CECR2: variants seen among roughly 807,000 people sequenced by gnomAD.
CECR2 encodes CECR2 histone acetyl-lysine reader.
Under a neutral mutation model 154.5 loss-of-function variants are expected in CECR2, and 30 were observed. The observed-to-expected ratio is 0.19, with a 90% CI of 0.15 to 0.26. CECR2 has a LOEUF of 0.26. Ranked by LOEUF, CECR2 falls within the 10% of genes least tolerant of loss-of-function variation. The pLI is 1.00. For missense variants in CECR2, 1,743 were observed against 1,829.3 expected, an observed-to-expected ratio of 0.95 and a Z score of 0.86; for synonymous variants, 725 against 683.7, an observed-to-expected ratio of 1.06 and a Z score of -0.94.
intron 2 of CECR2, among the ~76,000 whole-genome samples, chr22:17,494,656 A>G (rs78431002): frequency 0.13 from 19,969 of 152,258 alleles, 1,532 homozygotes; most frequent in Non-Finnish European, 0.18. Flanking sequence ...AGTAGGGGAA[A>G]GATGTTTCTT....
At chr22:17,499,179 T>C (rs1054473587) in intron 3 of CECR2, among the ~76,000 whole-genome samples, 5 of 151,286 alleles carry the variant, frequency 3.3e-5, no homozygotes, top group African/African-American at 1.2e-4. Flanking sequence ...TTAGTAGAGG[T>C]GGGGTTTCAC....
rs4819578 is a variant in CECR2 at position 17,388,197 on chromosome 22, G to A, written c.126+18288G>A. 8.1e-3 allele frequency among the ~76,000 whole-genome samples: 1,235 copies of A among 152,102 alleles called. 53 individuals are homozygous for A. In the East Asian group the frequency reaches 0.13, roughly 17 times the overall value. On this transcript the variant is annotated intron_variant, in intron 1 of 18. Coordinates refer to ENST00000262608, the MANE Select transcript of CECR2 (RefSeq NM_001290047.2). ...TCAAACTCCTGACCTCAGGTGATCC[G>A]CCCGCCTCAGCCTCCCAACGTGCTG... is the stretch of plus-strand genomic sequence containing the variant.
chr22:17,507,226 A>C (rs2055863458), intron 7 of CECR2, among the ~76,000 whole-genome samples: 1 of 152,176 alleles, frequency 6.6e-6, no homozygotes, highest in Non-Finnish European at 1.5e-5. Context: ...CCTAGAAATT[A>C]CCTTTCTCTA....
At chr22:17,418,665 AG>A (rs2054190937) in intron 1 of CECR2, 2 of 348,672 alleles carry the variant, frequency 5.7e-6, no homozygotes, top group Non-Finnish European at 4.7e-6. Context: ...GACACTCGCG[AG>A]GGGCAGCTCC....
Position 17,541,894 on chromosome 22 carries a change from T to C in CECR2, c.1940T>C (p.Leu647Ser), listed in dbSNP as rs2056528874. 1 of 1,613,988 alleles carries C rather than the reference T, an allele frequency of 6.2e-7. No individual in the cohort carries two copies. The highest frequency in any genetic ancestry group is 8.5e-7 in the Non-Finnish European group (1 of 1,179,868). ...CTGCGAGGATCAGATCCTGCCACCT[T>C]GTATGGCTCCTCTGGAGTCCCGGAG... Reference protein sequence around the residue: ...GPLRGSDPATLYGSSGVPEPH... With the variant: ...GPLRGSDPATSYGSSGVPEPH... Residue 647 changes from leucine to serine, a missense_variant, in exon 15 of 19, where the codon TTG becomes TCG. This residue lies in a region of CECR2 where 1,250 missense variants were observed against 1,192.1 expected (regional missense o/e 1.05). Coordinates refer to ENST00000262608, the MANE Select transcript of CECR2 (RefSeq NM_001290047.2).
intron 1 of CECR2, among the ~76,000 whole-genome samples, chr22:17,362,049 A>G (rs2062980101): frequency 6.6e-6 from 1 of 151,722 alleles, no homozygotes; most frequent in Admixed American, 6.6e-5. Context: ...TATTTTATTT[A>G]TTTATTTTTT....
intron 1 of CECR2, among the ~76,000 whole-genome samples, chr22:17,448,698 C>T (rs941150853): frequency 8.5e-5 from 13 of 152,206 alleles, no homozygotes; most frequent in South Asian, 2.1e-4. Flanking sequence ...CTTAAGTCTA[C>T]GGTCTTTTGT....
chr22:17,445,543 TTTATTATTATTATTATTATTA>T (rs3994823), intron 1 of CECR2, among the ~76,000 whole-genome samples: 13 of 141,462 alleles, frequency 9.2e-5, no homozygotes, highest in African/African-American at 1.8e-4. Context: ...TGCTCTATAC[TTTATTATTATTATTATTATTA>T]TTATTATTAT....
In CECR2 at chr22:17,552,971, A is replaced by G. The variant is rs1336534825; in HGVS notation, c.*131A>G. 1 of 1,489,602 alleles carries G rather than the reference A, an allele frequency of 6.7e-7. No individual in the cohort carries two copies. Among genetic ancestry groups the G allele is most frequent in the Admixed American group, 2.6e-5 (1 of 38,426 alleles). 92.3% of individuals were successfully genotyped at this position (1,489,602 alleles called of 1,614,324 possible). A position where few individuals can be genotyped will look rare whatever the true frequency, so the allele number is the denominator to read the frequency against. On this transcript the variant is annotated 3_prime_UTR_variant, in exon 19 of 19. Transcript: ENST00000262608. Reference sequence around the variant, plus strand: ...CCCTTCACGGCGACCCACTCGTGCCATACTTGAGCTGGAGCCAGTCACGGG... The same window carrying G: ...CCCTTCACGGCGACCCACTCGTGCCGTACTTGAGCTGGAGCCAGTCACGGG...
chr22:17,370,596 T>G lies in CECR2; in HGVS notation c.126+687T>G, dbSNP rs1601233857. Among the ~76,000 whole-genome samples, 3 of 152,202 alleles carry G rather than the reference T, an allele frequency of 2.0e-5. No homozygotes were observed. In the East Asian group the frequency reaches 5.8e-4, roughly 30 times the overall value. ...TCTTTATCGCGGGGCTCGGGAGCCC[T>G]TGGAGTTGATCTCGCCACCATTATC... On this transcript the variant is annotated intron_variant, in intron 1 of 18. Coordinates refer to ENST00000262608, the MANE Select transcript of CECR2 (RefSeq NM_001290047.2).
intron 1 of CECR2, among the ~76,000 whole-genome samples, chr22:17,445,087 A>G (rs748459493): frequency 2.0e-5 from 3 of 152,198 alleles, no homozygotes; most frequent in Non-Finnish European, 4.4e-5. Flanking sequence ...ACTATAGTAC[A>G]TATTCACAAT....
rs759019713 is a variant in CECR2, at chr22:17,549,551, T to C, written c.4264T>C (p.Tyr1422His). 1.9e-6 allele frequency: 3 copies of C among 1,591,310 alleles called. No homozygotes were observed. The South Asian group carries it at 3.4e-5, about 18-fold the overall frequency. ...SGIRGPFQEM[Y>H]RPSGMQMHPV... ...AATAAGAGGACCTTTCCAGGAAATG[T>C]ACAGACCATCAGGGTAAGATTGCAT... Residue 1422 changes from tyrosine to histidine, a missense_variant, in exon 17 of 19, where the codon TAC becomes CAC. By Grantham distance (83) the Tyr-to-His change is moderately conservative. Coordinates refer to ENST00000262608, the MANE Select transcript of CECR2 (RefSeq NM_001290047.2).
chr22:17,432,634 T>C (rs1055704072), intron 1 of CECR2, among the ~76,000 whole-genome samples: 2 of 152,154 alleles, frequency 1.3e-5, no homozygotes, highest in African/African-American at 2.4e-5. Flanking sequence ...AACACTTGTT[T>C]TTTATTTTTA....
intron 1 of CECR2, among the ~76,000 whole-genome samples, chr22:17,443,352 A>T (rs963928055): frequency 6.6e-6 from 1 of 152,168 alleles, no homozygotes; most frequent in Non-Finnish European, 1.5e-5. Context: ...AATTGTAATA[A>T]TATTTTACAT....
chr22:17,535,996 C>T (rs978368689), intron 9 of CECR2, among the ~76,000 whole-genome samples: 2 of 152,146 alleles, frequency 1.3e-5, no homozygotes, highest in Non-Finnish European at 2.9e-5. Context: ...CTCCTGTAAT[C>T]CCAGCACTTT....
chr22:17,519,937 C>T (rs940011700), intron 8 of CECR2, among the ~76,000 whole-genome samples: 4 of 152,022 alleles, frequency 2.6e-5, no homozygotes, highest in Non-Finnish European at 4.4e-5. Flanking sequence ...ACTACAGGCA[C>T]ACACCACCGT....
intron 9 of CECR2, among the ~76,000 whole-genome samples, chr22:17,526,269 G>A (rs778044405): frequency 3.9e-5 from 6 of 152,144 alleles, no homozygotes; most frequent in Non-Finnish European, 7.4e-5. Flanking sequence ...GACCTGTGGG[G>A]ACCAAAACAA....
In CECR2 at chr22:17,521,267, G is replaced by A. The variant is rs192088195; in HGVS notation, c.955-2851G>A. Among the ~76,000 whole-genome samples, 194 of 152,250 alleles carry A rather than the reference G, an allele frequency of 1.3e-3. 1 individual carries two copies. The highest frequency in any genetic ancestry group is 5.4e-4 in the Non-Finnish European group (37 of 68,018). Reference sequence around the variant, plus strand: ...TTGAGAAGCATCTGTTCGGCCGGGCGCAGTGGCTCACGCCTGTAATCCCAG... The same window carrying A: ...TTGAGAAGCATCTGTTCGGCCGGGCACAGTGGCTCACGCCTGTAATCCCAG... On this transcript the variant is annotated intron_variant, in intron 8 of 18. Coordinates refer to ENST00000262608, the MANE Select transcript of CECR2 (RefSeq NM_001290047.2).
At chr22:17,477,243 A>AT in intron 1 of CECR2, 1 of 665,566 alleles carries the variant, frequency 1.5e-6, no homozygotes, top group Admixed American at 2.4e-5. Context: ...AGTACAGCAC[A>AT]TTTGTATTTA....
Sources: allele counts gnomAD v4.1 joint callset (sites outside exome capture counted in the v4.1 genomes callset), GRCh38; gene constraint gnomAD v4.1.1; regional missense constraint gnomAD v4.1.1; transcripts MANE v1.5; gene names NCBI Gene and HGNC (gene_info 2026-07-23, HGNC 2026-07-21).